CLEC16A: variants seen among roughly 807,000 people sequenced by gnomAD.
CLEC16A encodes protein CLEC16A.
CLEC16A carries 51 observed loss-of-function variants against 109.5 expected under a neutral mutation model. The observed-to-expected ratio is 0.47, with a 90% CI of 0.37 to 0.59. The LOEUF is 0.59. CLEC16A is among the 20% of genes least tolerant of loss of function. The pLI is 0.00. For missense variants in CLEC16A, 1,339 were observed against 1,394.0 expected (o/e 0.96, Z 0.63); for synonymous variants, 673 against 564.2 (o/e 1.19, Z -2.73).
chr16:11,072,166 G>T (rs1369303810), intron 19 of CLEC16A, among the ~76,000 whole-genome samples: 1 of 152,100 alleles, frequency 6.6e-6, no homozygotes, highest in Non-Finnish European at 1.5e-5. Flanking sequence ...CTGTCCCCCA[G>T]GCTAGAGTGC....
chr16:11,059,733 C>A (rs77772580), intron 18 of CLEC16A, among the ~76,000 whole-genome samples: 4 of 152,208 alleles, frequency 2.6e-5, no homozygotes, highest in Non-Finnish European at 5.9e-5. Flanking sequence ...TTTGTCCCCC[C>A]AACCCCACTG....
At chr16:10,967,110 T>C (rs2042549440) in intron 3 of CLEC16A, among the ~76,000 whole-genome samples, 2 of 152,176 alleles carry the variant, frequency 1.3e-5, no homozygotes, top group Non-Finnish European at 2.9e-5. Flanking sequence ...CCGCACAGCC[T>C]GTCTGCCATG....
chr16:11,061,098 G>A (rs531104657), intron 19 of CLEC16A, 76 bp downstream of exon 19: 14 of 1,441,554 alleles, frequency 9.7e-6, no homozygotes, highest in Middle Eastern at 2.1e-4. Context: ...TGATTCACAC[G>A]CCACTGGGAG....
At chr16:11,135,132 C>G (rs2053481566) in intron 22 of CLEC16A, among the ~76,000 whole-genome samples, 1 of 152,234 alleles carries the variant, frequency 6.6e-6, no homozygotes, top group African/African-American at 2.4e-5. Flanking sequence ...ATTTGAGCCC[C>G]TTTCAAAGCT....
intron 22 of CLEC16A, among the ~76,000 whole-genome samples, chr16:11,162,322 G>A (rs576639278): frequency 1.3e-5 from 2 of 152,378 alleles, no homozygotes; most frequent in East Asian, 3.9e-4. Context: ...GGTGAGTCCA[G>A]GGGAGAGAGC....
chr16:11,142,785 CTT>C (rs1267038125), intron 22 of CLEC16A, among the ~76,000 whole-genome samples: 2 of 152,140 alleles, frequency 1.3e-5, no homozygotes, highest in Non-Finnish European at 2.9e-5. Flanking sequence ...AGTGGCTTGT[CTT>C]TTTATTCATT....
intron 10 of CLEC16A, among the ~76,000 whole-genome samples, chr16:10,998,747 C>T (rs979165735): frequency 1.1e-4 from 16 of 152,270 alleles, no homozygotes; most frequent in African/African-American, 3.6e-4. Context: ...TGAGCTCACT[C>T]AGCAGCAGCC....
intron 22 of CLEC16A, among the ~76,000 whole-genome samples, chr16:11,155,342 C>A (rs2054468382): frequency 6.6e-6 from 1 of 152,182 alleles, no homozygotes; most frequent in Non-Finnish European, 1.5e-5. Flanking sequence ...GTGAACAGGT[C>A]CCCTGCTGTC....
In CLEC16A at chr16:10,982,928, C is replaced by A; in HGVS notation, c.1008C>A (p.Val336=). The A allele has an allele frequency of 1.9e-6, 3 of 1,613,190 alleles. No individual in the cohort carries two copies. The South Asian group carries it at 3.3e-5, about 18-fold the overall frequency. ...CGCTGGTGAACTCGTTAGCTGAAGT[C>A]ATTCTGAATGGTGATCTGTCTGAGA... ...HAPLVNSLAE[V]ILNGDLSEMY... The change falls in exon 10 of 24, where the codon GTC becomes GTA. Residue 336 remains valine, a synonymous_variant. Coordinates refer to ENST00000409790, the MANE Select transcript of CLEC16A (RefSeq NM_015226.3).
At chr16:11,012,594 C>CAAAAAAAAAAA (rs551902895) in intron 11 of CLEC16A, among the ~76,000 whole-genome samples, 15 of 67,944 alleles carry the variant, frequency 2.2e-4, no homozygotes, top group African/African-American at 6.3e-4. Flanking sequence ...GACTCCGTCT[C>CAAAAAAAAAAA]AAAAAAAAAA....
intron 13 of CLEC16A, among the ~76,000 whole-genome samples, chr16:11,035,759 T>A (rs2046981710): frequency 6.6e-6 from 1 of 152,246 alleles, no homozygotes; most frequent in African/African-American, 2.4e-5. Context: ...CCTCTCCTCC[T>A]TCCTTCCAAA....
At chr16:11,103,463 C>G (rs148679425) in intron 19 of CLEC16A, among the ~76,000 whole-genome samples, 27 of 152,300 alleles carry the variant, frequency 1.8e-4, no homozygotes, top group Admixed American at 6.5e-4. Flanking sequence ...GCCTGTTGTC[C>G]TAGCTACTCA....
At chr16:11,021,455 A>G (rs1333517786) in intron 12 of CLEC16A, among the ~76,000 whole-genome samples, 1 of 152,186 alleles carries the variant, frequency 6.6e-6, no homozygotes, top group Admixed American at 6.5e-5. Flanking sequence ...AAGAGCCCCA[A>G]ATAACCAGTA....
chr16:10,979,297 C>G, intron 8 of CLEC16A, 32 bp from the exon 9 acceptor site: 1 of 1,358,996 alleles, frequency 7.4e-7, no homozygotes, highest in South Asian at 1.3e-5. Flanking sequence ...GTGACCTGAT[C>G]TCTCTCTCTC....
chr16:11,078,578 C>T (rs995374799), intron 19 of CLEC16A, among the ~76,000 whole-genome samples: 8 of 152,226 alleles, frequency 5.3e-5, no homozygotes, highest in African/African-American at 1.9e-4. Flanking sequence ...CCCAGTCACC[C>T]TCACAGATCC....
At chr16:11,141,506 G>A (rs955519277) in intron 22 of CLEC16A, among the ~76,000 whole-genome samples, 9 of 152,222 alleles carry the variant, frequency 5.9e-5, no homozygotes, top group South Asian at 2.1e-4. Flanking sequence ...GTCGGGGACC[G>A]TGGGGGATCT....
At chr16:11,075,754 CA>C (rs1231276144) in intron 19 of CLEC16A, among the ~76,000 whole-genome samples, 3 of 151,862 alleles carry the variant, frequency 2.0e-5, no homozygotes, top group Admixed American at 1.3e-4. Flanking sequence ...GTTTTTTGAC[CA>C]GGGGGAGGAT....
At chr16:11,105,927 G>A (rs1057435944) in intron 19 of CLEC16A, among the ~76,000 whole-genome samples, 1 of 152,222 alleles carries the variant, frequency 6.6e-6, no homozygotes, top group Admixed American at 6.5e-5. Context: ...ATTCTGCAGA[G>A]TTAAGAGATT....
intron 3 of CLEC16A, among the ~76,000 whole-genome samples, chr16:10,968,837 A>T (rs1365251965): frequency 6.6e-6 from 1 of 152,188 alleles, no homozygotes; most frequent in Non-Finnish European, 1.5e-5. Context: ...AAATGCCCAC[A>T]CACCAGCTAA....
Sources: allele counts gnomAD v4.1 joint callset (sites outside exome capture counted in the v4.1 genomes callset), GRCh38; gene constraint gnomAD v4.1.1; transcripts MANE v1.5; gene names NCBI Gene and HGNC (gene_info 2026-07-23, HGNC 2026-07-21).